DUSP10: variants seen among roughly 807,000 people sequenced by gnomAD.
DUSP10 encodes dual specificity protein phosphatase 10.
DUSP10 carries 14 observed loss-of-function variants against 30.8 expected under a neutral mutation model. The ratio of observed to expected loss-of-function variants is 0.46; its 90% CI spans 0.30 to 0.71. The LOEUF (loss-of-function observed/expected upper bound fraction) is 0.71. Among genes scored for constraint, DUSP10 ranks in the 30% least tolerant of loss-of-function variants. The pLI, the probability that DUSP10 is intolerant of heterozygous loss-of-function variation, is 0.08. For missense variants in DUSP10, 550 were observed against 619.4 expected, an observed-to-expected ratio of 0.89 and a Z score of 1.19; for synonymous variants, 254 against 250.4, an observed-to-expected ratio of 1.01 and a Z score of -0.14.
At chr1:221,703,788 T>C (rs931942759) in intron 3 of DUSP10, among the ~76,000 whole-genome samples, 1 of 151,886 alleles carries the variant, frequency 6.6e-6, no homozygotes, top group Non-Finnish European at 1.5e-5. Context: ...GATAAACAGG[T>C]AGGGAAGGAG....
chr1:221,701,467 C>T lies in DUSP10; in HGVS notation c.*945G>A, dbSNP rs1234050472. 1 of 145,532 alleles carries T rather than the reference C, an allele frequency of 6.9e-6. No homozygotes were observed. Among genetic ancestry groups the T allele is most frequent in the Non-Finnish European group, 1.5e-5 (1 of 67,078 alleles). The allele number at this position is 145,532 out of a possible 1,614,324, so 9.0% of individuals were successfully genotyped here. A position where few individuals can be genotyped will look rare whatever the true frequency, so the allele number is the denominator to read the frequency against. On this transcript the variant is annotated 3_prime_UTR_variant, in exon 4 of 4. Coordinates refer to ENST00000366899, the MANE Select transcript of DUSP10 (RefSeq NM_007207.6). The stretch of plus-strand genomic sequence containing the variant: ...TGAAAATAAATTTTTACACAATCAA[C>T]AGAAACACACCAAGATTTTTTTTTT...
intron 2 of DUSP10, among the ~76,000 whole-genome samples, chr1:221,722,029 C>T (rs1661292658): frequency 6.6e-6 from 1 of 152,202 alleles, no homozygotes; most frequent in Middle Eastern, 3.2e-3. Flanking sequence ...AGGGATACAA[C>T]ACTGGATCTG....
chr1:221,726,742 C>T (rs1222977885), intron 2 of DUSP10, among the ~76,000 whole-genome samples: 2 of 151,376 alleles, frequency 1.3e-5, no homozygotes, highest in Non-Finnish European at 2.9e-5. Flanking sequence ...ATCTATCCAC[C>T]CCAAAAGAAA....
intron 2 of DUSP10, chr1:221,737,109 C>A (rs1452702834): frequency 2.0e-6 from 2 of 985,432 alleles, no homozygotes; most frequent in East Asian, 1.1e-4. Flanking sequence ...TGATGGGTCA[C>A]CCCTATCCAC....
At chr1:221,709,054 A>G (rs1660856628) in intron 2 of DUSP10, among the ~76,000 whole-genome samples, 1 of 151,932 alleles carries the variant, frequency 6.6e-6, no homozygotes, top group African/African-American at 2.4e-5. Flanking sequence ...ACACAGAAAA[A>G]AGCAGCGTCC....
intron 2 of DUSP10, among the ~76,000 whole-genome samples, chr1:221,734,462 G>A (rs1220818212): frequency 6.6e-6 from 1 of 152,106 alleles, no homozygotes; most frequent in Non-Finnish European, 1.5e-5. Flanking sequence ...CTTTGTACTG[G>A]CACTATCATT....
At chr1:221,740,247 A>G (rs1296794669) in intron 1 of DUSP10, among the ~76,000 whole-genome samples, 1 of 152,232 alleles carries the variant, frequency 6.6e-6, no homozygotes, top group Non-Finnish European at 1.5e-5. Context: ...TGCAAAGGCA[A>G]AGGGGTAACC....
rs142125407 is a variant in DUSP10 at position 221,703,109 on chromosome 1, A to G, written c.1184-432T>C. ...AATTACACTACTGAAAGAAAAAAAA[A>G]GAATGAAGGAAAAGGAGAGAGGAAG... On this transcript the variant is annotated intron_variant, in intron 3 of 3. Coordinates refer to ENST00000366899, the MANE Select transcript of DUSP10 (RefSeq NM_007207.6). Among the ~76,000 whole-genome samples the G allele has an allele frequency of 2.5e-3, 380 of 152,286 alleles. 1 individual carries two copies. Among genetic ancestry groups the G allele is most frequent in the African/African-American group, 8.0e-3 (333 of 41,540 alleles).
chr1:221,702,192 A>AC lies in DUSP10; in HGVS notation c.*219dup, dbSNP rs548053162. 93 of 544,848 alleles carry AC rather than the reference A, an allele frequency of 1.7e-4. 1 individual carries two copies. Among genetic ancestry groups the AC allele is most frequent in the Non-Finnish European group, 2.5e-4 (78 of 312,078 alleles). 33.8% of individuals were successfully genotyped at this position (544,848 alleles called of 1,614,324 possible). A position where few individuals can be genotyped will look rare whatever the true frequency, so the allele number is the denominator to read the frequency against. ...TTGGCTTAAAAAAATTACTTCTTTA[A>AC]CCTCCTTAATTTGTCAGTTTGTGGG... On this transcript the variant is annotated 3_prime_UTR_variant, in exon 4 of 4. Transcript: ENST00000366899. This position sits in a 1 kb window ranked among gnomAD's most constrained non-coding sequence, Gnocchi z 4.5.
intron 2 of DUSP10, among the ~76,000 whole-genome samples, chr1:221,717,161 T>C (rs1661129355): frequency 6.6e-6 from 1 of 152,026 alleles, no homozygotes; most frequent in Non-Finnish European, 1.5e-5. Context: ...CTCTGAGGTA[T>C]GAGAGGGGAC....
Position 221,702,403 on chromosome 1 carries a change from AG to A in DUSP10, c.*8del, listed in dbSNP as rs1385206685. ...TGGAGAGCAGCAATCCTTTCCATCC[AG>A]ACCATTGTCACACAACCGTCTCCAC... is the stretch of plus-strand genomic sequence containing the variant. On this transcript the variant is annotated 3_prime_UTR_variant, in exon 4 of 4. Coordinates refer to ENST00000366899, the MANE Select transcript of DUSP10 (RefSeq NM_007207.6). This position sits in a 1 kb window ranked among gnomAD's most constrained non-coding sequence, Gnocchi z 4.5. 2 of 1,613,234 alleles carry A rather than the reference AG, an allele frequency of 1.2e-6. No individual in the cohort carries two copies. The highest frequency in any genetic ancestry group is 2.7e-5 in the African/African-American group (2 of 74,776).
chr1:221,717,083 G>T (rs573542199), intron 2 of DUSP10, among the ~76,000 whole-genome samples: 1 of 152,108 alleles, frequency 6.6e-6, no homozygotes, highest in East Asian at 1.9e-4. Flanking sequence ...AAGTCATAAC[G>T]GAAGACGCTG....
At chr1:221,710,403 A>G (rs1660900654) in intron 2 of DUSP10, among the ~76,000 whole-genome samples, 1 of 152,198 alleles carries the variant, frequency 6.6e-6, no homozygotes, top group African/African-American at 2.4e-5. Context: ...CAGGGATAAC[A>G]ATAGTACCTA....
intron 2 of DUSP10, chr1:221,711,832 G>A (rs2102621247): frequency 6.6e-6 from 1 of 152,320 alleles, no homozygotes; most frequent in South Asian, 2.1e-4. Flanking sequence ...ACAGATGGAT[G>A]CTATGATATA....
chr1:221,709,267 T>C (rs1041213025), intron 2 of DUSP10, among the ~76,000 whole-genome samples: 2 of 151,826 alleles, frequency 1.3e-5, no homozygotes, highest in Non-Finnish European at 2.9e-5. Context: ...GAGCCAATGA[T>C]GTAATGCTAA....
rs146117936 is a variant in DUSP10, at chr1:221,702,296, A to T, written c.*116T>A. The T allele has an allele frequency of 2.2e-5, 27 of 1,224,326 alleles. No homozygotes were observed. The African/African-American group carries it at 4.1e-4, about 19-fold the overall frequency. The allele number at this position is 1,224,326 out of a possible 1,614,324, so 75.8% of individuals were successfully genotyped here. A position where few individuals can be genotyped will look rare whatever the true frequency, so the allele number is the denominator to read the frequency against. ...AAAGTGTTTAAACAAGTTTGTTTCC[A>T]TTCACAAACTTACTCCCAACTACAA... On this transcript the variant is annotated 3_prime_UTR_variant, in exon 4 of 4. Coordinates refer to ENST00000366899, the MANE Select transcript of DUSP10 (RefSeq NM_007207.6). The surrounding 1 kb of genome is among the most constrained non-coding windows in gnomAD (Gnocchi z 4.5).
rs540582777 is a variant in DUSP10 at position 221,732,253 on chromosome 1, T to A, written c.811+6681A>T. On this transcript the variant is annotated intron_variant, in intron 2 of 3. Transcript: ENST00000366899. ...GCTGTGGAGACCACCTACCAAAAAGTCCCTAGAAGCCTAAGATGGTTGGGC... is the reference window on the plus strand; with the variant it reads ...GCTGTGGAGACCACCTACCAAAAAGACCCTAGAAGCCTAAGATGGTTGGGC... Among the ~76,000 whole-genome samples, 23 of 152,292 alleles carry A rather than the reference T, an allele frequency of 1.5e-4. No homozygotes were observed. The East Asian group carries it at 3.7e-3, about 24-fold the overall frequency.
chr1:221,720,290 C>T (rs987982257), intron 2 of DUSP10, among the ~76,000 whole-genome samples: 24 of 152,116 alleles, frequency 1.6e-4, no homozygotes, highest in East Asian at 1.2e-3. Context: ...GACATTCAGC[C>T]GCATCCCCCA....
At chr1:221,737,335 A>T in intron 2 of DUSP10, 1 of 985,458 alleles carries the variant, frequency 1.0e-6, no homozygotes, top group Non-Finnish European at 1.2e-6. Flanking sequence ...CCCCAAGACA[A>T]ACTATTACAA....
Sources: gnomAD v4.1 joint callset for allele counts (sites outside exome capture counted in the v4.1 genomes callset) on GRCh38, gnomAD v4.1.1 for gene constraint, Gnocchi (gnomAD v3.1) non-coding constraint, MANE v1.5 for transcripts, NCBI Gene and HGNC (gene_info 2026-07-23, HGNC 2026-07-21) for gene names.